The following DDHD1 variants were observed in gnomAD, a reference collection of about 807,000 sequenced individuals.
DDHD1 encodes phospholipase DDHD1.
Under a neutral mutation model 96.4 loss-of-function variants are expected in DDHD1, and 49 were observed. The observed-to-expected ratio is 0.51, with a 90% CI of 0.40 to 0.64. The LOEUF (loss-of-function observed/expected upper bound fraction) is 0.64. Ranked by LOEUF, DDHD1 falls within the 30% of genes least tolerant of loss-of-function variation. DDHD1 has a pLI of 0.00. For missense variants in DDHD1, 1,106 were observed against 1,161.2 expected (o/e 0.95, Z 0.69); for synonymous variants, 442 against 446.5 (o/e 0.99, Z 0.13).
chr14:53,131,256 T>G (rs1889844050), intron 1 of DDHD1, among the ~76,000 whole-genome samples: 1 of 152,094 alleles, frequency 6.6e-6, no homozygotes, highest in South Asian at 2.1e-4. Context: ...CTTTGCATCT[T>G]CCTATTGTAT....
chr14:53,117,175 C>G (rs778631021), intron 1 of DDHD1, among the ~76,000 whole-genome samples: 4 of 152,054 alleles, frequency 2.6e-5, no homozygotes, highest in Non-Finnish European at 5.9e-5. Context: ...ATAGGGGTCC[C>G]TTCCAAGATG....
intron 2 of DDHD1, 178 bp downstream of exon 2, chr14:53,103,503 GAT>G (rs1887466016): frequency 2.0e-6 from 1 of 508,860 alleles, no homozygotes; most frequent in Non-Finnish European, 3.3e-6. Flanking sequence ...TAAAAATTGA[GAT>G]AGTTCAGATA....
At chr14:53,077,547 A>C (rs1292191600) in intron 4 of DDHD1, among the ~76,000 whole-genome samples, 1 of 152,170 alleles carries the variant, frequency 6.6e-6, no homozygotes, top group African/African-American at 2.4e-5. Context: ...CACAGATTTA[A>C]GCATATTTGA....
At chr14:53,150,278 T>C (rs1891254110) in intron 1 of DDHD1, among the ~76,000 whole-genome samples, 1 of 152,182 alleles carries the variant, frequency 6.6e-6, no homozygotes, top group Non-Finnish European at 1.5e-5. Flanking sequence ...TGTCTTAAAT[T>C]TTCTGGGACG....
At chr14:53,093,555 T>C (rs1886620075) in intron 2 of DDHD1, 111 bp from the exon 3 acceptor site, 1 of 1,381,106 alleles carries the variant, frequency 7.2e-7, no homozygotes, top group Non-Finnish European at 9.8e-7. Flanking sequence ...AAAACTCAGA[T>C]ATGGAACTTA....
intron 1 of DDHD1, among the ~76,000 whole-genome samples, chr14:53,113,821 C>G (rs772988717): frequency 6.6e-5 from 10 of 152,168 alleles, no homozygotes; most frequent in Non-Finnish European, 1.0e-4. Flanking sequence ...AGACACTGAG[C>G]TAGCTGCAGG....
At chr14:53,094,298 A>G (rs1362953046) in intron 2 of DDHD1, among the ~76,000 whole-genome samples, 2 of 152,340 alleles carry the variant, frequency 1.3e-5, no homozygotes, top group East Asian at 3.9e-4. Context: ...TTTGGAATGG[A>G]TAGTAAAGCC....
At chr14:53,084,914 T>C (rs954601584) in intron 4 of DDHD1, among the ~76,000 whole-genome samples, 5 of 152,236 alleles carry the variant, frequency 3.3e-5, no homozygotes, top group Non-Finnish European at 7.3e-5. Context: ...ATCGAGACAC[T>C]GCCACTTAAA....
chr14:53,118,810 A>G (rs1200634240), intron 1 of DDHD1, among the ~76,000 whole-genome samples: 1 of 152,156 alleles, frequency 6.6e-6, no homozygotes, highest in Non-Finnish European at 1.5e-5. Context: ...AAATACAGAG[A>G]ACACCATAAA....
At chr14:53,105,487 A>G (rs1409601121) in intron 1 of DDHD1, among the ~76,000 whole-genome samples, 1 of 152,138 alleles carries the variant, frequency 6.6e-6, no homozygotes, top group Non-Finnish European at 1.5e-5. Context: ...TTTGGTACCT[A>G]GATACTAAAA....
intron 1 of DDHD1, 138 bp downstream of exon 1, chr14:53,152,120 GCTC>G: frequency 1.1e-5 from 9 of 847,148 alleles, no homozygotes; most frequent in South Asian, 6.6e-5. Flanking sequence ...GACGCTCCCT[GCTC>G]AATCTCCATC....
At chr14:53,058,673 T>G in intron 8 of DDHD1, 47 bp from the exon 9 acceptor site, 3 of 1,553,174 alleles carry the variant, frequency 1.9e-6, no homozygotes, top group Non-Finnish European at 2.6e-6. Context: ...TGAAGTGTTA[T>G]CTTTCAACAA....
At chr14:53,131,266 T>TC (rs1405892598) in intron 1 of DDHD1, among the ~76,000 whole-genome samples, 1 of 151,902 alleles carries the variant, frequency 6.6e-6, no homozygotes, top group Admixed American at 6.6e-5. Context: ...TCCTATTGTA[T>TC]CCCCCCACCT....
At chr14:53,152,128 T>G in intron 1 of DDHD1, 133 bp downstream of exon 1, 4 of 901,712 alleles carry the variant, frequency 4.4e-6, no homozygotes, top group Admixed American at 3.5e-5. Flanking sequence ...CTGCTCAATC[T>G]CCATCCTGCC....
chr14:53,083,116 TAA>T (rs1453102898), intron 4 of DDHD1, among the ~76,000 whole-genome samples: 1 of 152,032 alleles, frequency 6.6e-6, no homozygotes, highest in African/African-American at 2.4e-5. Flanking sequence ...TTCAAAAAAA[TAA>T]GTTTCGTTGA....
At chr14:53,099,847 A>T (rs1165076379) in intron 2 of DDHD1, among the ~76,000 whole-genome samples, 2 of 152,224 alleles carry the variant, frequency 1.3e-5, no homozygotes, top group Non-Finnish European at 2.9e-5. Flanking sequence ...AATTTAGATT[A>T]AAGTATCTAA....
chr14:53,061,191 T>A lies in DDHD1; in HGVS notation c.1777A>T (p.Ile593Leu). 6.2e-7 allele frequency: 1 copy of A among 1,610,918 alleles called. No homozygotes were observed. Among genetic ancestry groups the A allele is most frequent in the Non-Finnish European group, 8.5e-7 (1 of 1,179,198 alleles). The change falls in exon 8 of 13, where the codon ATA becomes TTA. Residue 593 changes from isoleucine to leucine, a missense_variant. Around this residue, in one of 2 missense-constraint regions of DDHD1, gnomAD observed 650 missense variants for 758.8 expected, o/e 0.86. Transcript: ENST00000673822. ...TTCAATCCGTGAAGCCGTTCTTCTA[T>A]TTCCTTCAGCCTAAGAAGGGGTATG... The part of the protein sequence containing the change: ...LYITKRRLKE[I>L]EERLHGLKAS...
intron 1 of DDHD1, among the ~76,000 whole-genome samples, chr14:53,107,988 G>T (rs1052451386): frequency 2.0e-5 from 3 of 152,264 alleles, no homozygotes; most frequent in African/African-American, 7.2e-5. Context: ...ATAAACTCAG[G>T]CATTCAAGCC....
At position 53,043,256 on chromosome 14, in the gene DDHD1, T is replaced by C. The variant is rs1314727638; in HGVS notation, c.*3512A>G. Reference sequence around the variant, plus strand: ...TGAATGTTTACATGTCTGAGGCCTTTAGCGTGAGTATTCAGCATGAAGCAT... The same window carrying C: ...TGAATGTTTACATGTCTGAGGCCTTCAGCGTGAGTATTCAGCATGAAGCAT... On this transcript the variant is annotated 3_prime_UTR_variant, in exon 13 of 13. Coordinates refer to ENST00000673822, the MANE Select transcript of DDHD1 (RefSeq NM_001160148.2). 1 of 152,160 alleles carries C rather than the reference T, an allele frequency of 6.6e-6. No homozygotes were observed. The highest frequency in any genetic ancestry group is 1.9e-4 in the East Asian group (1 of 5,196). 9.4% of individuals were successfully genotyped at this position (152,160 alleles called of 1,614,324 possible). A position where few individuals can be genotyped will look rare whatever the true frequency, so the allele number is the denominator to read the frequency against.
Sources: allele counts gnomAD v4.1 joint callset (sites outside exome capture counted in the v4.1 genomes callset), GRCh38; gene constraint gnomAD v4.1.1; regional missense constraint gnomAD v4.1.1; transcripts MANE v1.5; gene names NCBI Gene and HGNC (gene_info 2026-07-23, HGNC 2026-07-21).